Variants in ANKRD36B observed in about 807,000 individuals in gnomAD.
ANKRD36B encodes ankyrin repeat domain 36B.
In ANKRD36B, 37 loss-of-function variants were observed where a neutral mutation model predicts 135.7. The observed-to-expected ratio is 0.27, with a 90% CI of 0.21 to 0.36. The LOEUF (loss-of-function observed/expected upper bound fraction) is 0.36. Among genes scored for constraint, ANKRD36B ranks in the 10% least tolerant of loss-of-function variants. The pLI is 1.00. For synonymous variants in ANKRD36B, 179 were observed against 348.1 expected (o/e 0.51, Z 5.41); for missense variants, 549 against 1,037.1 (o/e 0.53, Z 6.46).
rs191152852 is a variant in ANKRD36B, at chr2:97,545,591, C to T, written c.1681+75G>A. On this transcript the variant is annotated intron_variant, in intron 24 of 43. Coordinates refer to ENST00000359901, the MANE Select transcript of ANKRD36B (RefSeq NM_001393939.1). ...GAACATGAAGATTTGACGAACCCCCCGCTGCTTTATTTGGTGAAGAGAAGA... is the reference window on the plus strand; with the variant it reads ...GAACATGAAGATTTGACGAACCCCCTGCTGCTTTATTTGGTGAAGAGAAGA... 7,255 of 780,420 alleles carry T rather than the reference C, an allele frequency of 9.3e-3. 2,146 individuals carry two copies. The East Asian group carries it at 0.13, about 14-fold the overall frequency. 48.3% of individuals were successfully genotyped at this position (780,420 alleles called of 1,614,324 possible).
At chr2:97,556,819 C>T (rs1278673307) in intron 12 of ANKRD36B, 118 bp downstream of exon 12, 22 of 1,463,554 alleles carry the variant, frequency 1.5e-5, no homozygotes, top group Non-Finnish European at 1.8e-5. Context: ...AATGCACAAT[C>T]TCAGGCCTGC....
At position 97,555,840 on chromosome 2, in the gene ANKRD36B, T is replaced by G. The variant is rs573122728; in HGVS notation, c.1070-586A>C. 6.6e-5 allele frequency among the ~76,000 whole-genome samples: 10 copies of G among 152,052 alleles called. No homozygotes were observed. The East Asian group carries it at 1.2e-3, about 18-fold the overall frequency. ...CATTATTTATAATACCCATGTGGTG[T>G]AATAATCTGCCTACATTTCTTGTAT... is the stretch of plus-strand genomic sequence containing the variant. On this transcript the variant is annotated intron_variant, in intron 12 of 43. Transcript: ENST00000359901.
At chr2:97,543,156 C>T (rs1210582054) in intron 26 of ANKRD36B, among the ~76,000 whole-genome samples, 2 of 151,964 alleles carry the variant, frequency 1.3e-5, no homozygotes, top group Admixed American at 1.3e-4. Context: ...AAGTTTATCC[C>T]AATTCTAGCA....
intron 22 of ANKRD36B, chr2:97,547,173 T>A (rs1297810550): frequency 4.8e-6 from 1 of 209,032 alleles, no homozygotes; most frequent in Non-Finnish European, 9.5e-6. Context: ...CTGTCTTTTC[T>A]TGGCAGTATG....
At chr2:97,586,617 G>T (rs1037439589) in intron 1 of ANKRD36B, among the ~76,000 whole-genome samples, 22 of 152,248 alleles carry the variant, frequency 1.4e-4, no homozygotes, top group Admixed American at 1.4e-3. Context: ...CAGTTGGGAA[G>T]TTTATTGTGA....
Position 97,540,972 on chromosome 2 carries a change from A to C in ANKRD36B, c.1886-743T>G. The stretch of plus-strand genomic sequence containing the variant: ...TACTTCTACAAAGTAAAACTGCTAC[A>C]AGCGTTAGATATTAATATGTTTTAC... On this transcript the variant is annotated intron_variant, in intron 28 of 43. Coordinates refer to ENST00000359901, the MANE Select transcript of ANKRD36B (RefSeq NM_001393939.1). Among the ~76,000 whole-genome samples the C allele has an allele frequency of 2.1e-5, 2 of 96,296 alleles. 1 individual carries two copies. The highest frequency in any genetic ancestry group is 5.5e-5 in the Non-Finnish European group (2 of 36,130). The allele number at this position is 96,296 out of a possible 152,430, so 63.2% of individuals were successfully genotyped here.
chr2:97,547,791 A>G (rs1390838308), intron 20 of ANKRD36B, 60 bp from the exon 21 acceptor site: 8 of 1,532,088 alleles, frequency 5.2e-6, no homozygotes, highest in Non-Finnish European at 7.1e-6. Context: ...TTATCCACAC[A>G]TTCACGCAGT....
Position 97,553,188 on chromosome 2 carries a change from T to C in ANKRD36B, c.1253A>G (p.Asp418Gly). The change falls in exon 16 of 44, where the codon GAT (aspartate) becomes GGT (glycine). Residue 418 changes from aspartate (D) to glycine (G), a missense_variant. Transcript: ENST00000359901. ...ATTACCTGTCCCAGATTTTTCTCCA[T>C]CCTTTATTTCTGTGGCTATATTAGA... ...SVSNIATEIK[D>G]GEKSGTVSSQ... 6.2e-7 allele frequency: 1 copy of C among 1,611,318 alleles called. No individual in the cohort carries two copies. The highest frequency in any genetic ancestry group is 1.7e-5 in the Admixed American group (1 of 59,754).
rs2082909435 is a variant in ANKRD36B at position 97,585,400 on chromosome 2, TG to T, written c.162-3del. On this transcript the variant is annotated splice_polypyrimidine_tract_variant and splice_region_variant and intron_variant, in intron 1 of 43. Coordinates refer to ENST00000359901, the MANE Select transcript of ANKRD36B (RefSeq NM_001393939.1). ...GCACAGGCCAAATGTAGGGCAGTCC[TG>T]TGAGAGTGACAGGACTTTTTAAAAC... 1 of 1,563,842 alleles carries T rather than the reference TG, an allele frequency of 6.4e-7. No individual in the cohort carries two copies. Among genetic ancestry groups the T allele is most frequent in the Non-Finnish European group, 8.7e-7 (1 of 1,152,840 alleles).
chr2:97,578,706 A>C, intron 5 of ANKRD36B, among the ~76,000 whole-genome samples, 200 bp downstream of exon 5: 1 of 152,094 alleles, frequency 6.6e-6, no homozygotes, highest in Non-Finnish European at 1.5e-5. Flanking sequence ...TCTTGCACCT[A>C]CTGCTACTTA....
chr2:97,565,139 C>T (rs560198279), intron 6 of ANKRD36B, among the ~76,000 whole-genome samples: 23 of 152,146 alleles, frequency 1.5e-4, no homozygotes, highest in East Asian at 1.4e-3. Context: ...AATTGTGTAT[C>T]GGATTTCACT....
intron 34 of ANKRD36B, among the ~76,000 whole-genome samples, chr2:97,535,926 A>G (rs1432324821): frequency 1.1e-5 from 1 of 92,846 alleles, no homozygotes; most frequent in Non-Finnish European, 2.8e-5. Flanking sequence ...TTAGCCGGGC[A>G]TGGTGGGGCA....
rs1449072214 is a variant in ANKRD36B at position 97,531,889 on chromosome 2, G to T, written c.2265+422C>A. ...AAGGGAAAATAAATTCTTAACCTTG[G>T]TATTAGTGACTGGCAATAAAAAAAC... is the stretch of plus-strand genomic sequence containing the variant. On this transcript the variant is annotated intron_variant, in intron 35 of 43. Coordinates refer to ENST00000359901, the MANE Select transcript of ANKRD36B (RefSeq NM_001393939.1). 2.1e-5 allele frequency among the ~76,000 whole-genome samples: 2 copies of T among 96,042 alleles called. 1 individual carries two copies. The highest frequency in any genetic ancestry group is 6.2e-5 in the African/African-American group (2 of 32,086). 63.0% of individuals were successfully genotyped at this position (96,042 alleles called of 152,430 possible). A position where few individuals can be genotyped will look rare whatever the true frequency, so the allele number is the denominator to read the frequency against.
At chr2:97,514,634 T>C (rs1451631128) in intron 37 of ANKRD36B, among the ~76,000 whole-genome samples, 1 of 90,754 alleles carries the variant, frequency 1.1e-5, no homozygotes, top group African/African-American at 3.4e-5. Flanking sequence ...AAGAATGTAA[T>C]ATGTTACCCT....
rs1369543139 is a variant in ANKRD36B, at chr2:97,532,648, G to A, written c.2192-264C>T. On this transcript the variant is annotated intron_variant, in intron 34 of 43. Coordinates refer to ENST00000359901, the MANE Select transcript of ANKRD36B (RefSeq NM_001393939.1). ...TGGGGCAGGAGAATGGCGTCAGCCCGGGAGGTGGAGCTTGCAGTGAGCTGA... is the reference window on the plus strand; with the variant it reads ...TGGGGCAGGAGAATGGCGTCAGCCCAGGAGGTGGAGCTTGCAGTGAGCTGA... Among the ~76,000 whole-genome samples the A allele has an allele frequency of 3.2e-5, 3 of 92,770 alleles. 1 individual carries two copies. Among genetic ancestry groups the A allele is most frequent in the East Asian group, 4.7e-4 (2 of 4,260 alleles). The allele number at this position is 92,770 out of a possible 152,430, so 60.9% of individuals were successfully genotyped here.
At chr2:97,550,649 T>G (rs1331918335) in intron 18 of ANKRD36B, among the ~76,000 whole-genome samples, 8 of 151,844 alleles carry the variant, frequency 5.3e-5, no homozygotes, top group East Asian at 2.0e-4. Context: ...TAATGAGTCA[T>G]TGTGTTTTTA....
intron 16 of ANKRD36B, 125 bp from the exon 17 acceptor site, chr2:97,551,605 T>C: frequency 1.4e-6 from 2 of 1,466,364 alleles, no homozygotes; most frequent in South Asian, 1.2e-5. Context: ...TGATGGCTTC[T>C]ACTTTGTGTC....
chr2:97,513,298 T>C lies in ANKRD36B; in HGVS notation c.2687A>G (p.Glu896Gly), dbSNP rs201337535. ...TTGCTCTTCTGTTATTCTTAACTTT[T>C]CCCTAACTTTTTGGTGCAACTCTTC... The part of the protein sequence containing the change: ...NVEELHQKVR[E>G]KLRITEEQYR... The change falls in exon 38 of 44, where the codon GAA becomes GGA. Residue 896 changes from glutamate (E) to glycine (G), a missense_variant. Coordinates refer to ENST00000359901, the MANE Select transcript of ANKRD36B (RefSeq NM_001393939.1). The C allele has an allele frequency of 1.0e-2, 15,616 of 1,567,848 alleles. 1,010 individuals carry two copies. Among genetic ancestry groups the C allele is most frequent in the Non-Finnish European group, 0.012 (13,785 of 1,166,340 alleles).
At chr2:97,551,675 T>C (rs1225311527) in intron 16 of ANKRD36B, among the ~76,000 whole-genome samples, 195 bp from the exon 17 acceptor site, 2 of 152,048 alleles carry the variant, frequency 1.3e-5, no homozygotes, top group East Asian at 1.9e-4. Context: ...CCGTGAAATA[T>C]ACCCCTGCAA....
Sources: allele counts gnomAD v4.1 joint callset (sites outside exome capture counted in the v4.1 genomes callset), GRCh38; gene constraint gnomAD v4.1.1; transcripts MANE v1.5; gene names NCBI Gene and HGNC (gene_info 2026-07-23, HGNC 2026-07-21).